SLC5A8: variants seen among roughly 807,000 people sequenced by gnomAD.
The protein encoded by SLC5A8 is sodium-coupled monocarboxylate transporter 1.
In SLC5A8, 55 loss-of-function variants were observed where a neutral mutation model predicts 71.9. That is an observed-to-expected ratio of 0.77 (90% CI 0.62 to 0.96). The LOEUF (loss-of-function observed/expected upper bound fraction) is 0.96. Among genes scored for constraint, SLC5A8 ranks in the 40% least tolerant of loss-of-function variants. The pLI is 0.00. For missense variants in SLC5A8, 701 were observed against 745.3 expected, an observed-to-expected ratio of 0.94 and a Z score of 0.69; for synonymous variants, 307 against 276.1, an observed-to-expected ratio of 1.11 and a Z score of -1.11.
intron 3 of SLC5A8, among the ~76,000 whole-genome samples, chr12:101,200,009 C>CAAAAAAAAAAA: frequency 2.1e-4 from 2 of 9,640 alleles, no homozygotes; most frequent in Non-Finnish European, 4.0e-4. Flanking sequence ...GTACTACCAG[C>CAAAAAAAAAAA]AAAAAAAAAA....
At chr12:101,162,099 G>A (rs753608281) in intron 12 of SLC5A8, 22 bp from the exon 13 acceptor site, 40 of 1,542,682 alleles carry the variant, frequency 2.6e-5, no homozygotes, top group African/African-American at 6.8e-5. Context: ...AAAACACAAC[G>A]GTAAGATTTC....
Position 101,164,680 on chromosome 12 carries a change from C to G in SLC5A8, c.1526+1814G>C, listed in dbSNP as rs76594341. ...TGTGTCCCTGTGCTCAATCCTGCTA[C>G]CTGACTAACTCCAGCCCATGCAATT... is the stretch of plus-strand genomic sequence containing the variant. On this transcript the variant is annotated intron_variant, in intron 12 of 14. Transcript: ENST00000536262. 6.0e-4 allele frequency among the ~76,000 whole-genome samples: 91 copies of G among 152,236 alleles called. 2 individuals carry two copies. In the East Asian group the frequency reaches 0.016, roughly 27 times the overall value.
At chr12:101,204,048 A>C (rs1297512031) in intron 2 of SLC5A8, among the ~76,000 whole-genome samples, 1 of 152,238 alleles carries the variant, frequency 6.6e-6, no homozygotes, top group Non-Finnish European at 1.5e-5. Flanking sequence ...ATTTCAAAGA[A>C]AATTATTTCC....
At chr12:101,176,219 A>C (rs781308558) in intron 10 of SLC5A8, among the ~76,000 whole-genome samples, 3 of 152,032 alleles carry the variant, frequency 2.0e-5, no homozygotes, top group Non-Finnish European at 4.4e-5. Context: ...AAATAAATAC[A>C]CCTCACAGCA....
intron 1 of SLC5A8, among the ~76,000 whole-genome samples, chr12:101,205,580 C>A (rs1466167858): frequency 2.6e-5 from 4 of 152,138 alleles, no homozygotes; most frequent in African/African-American, 9.7e-5. Context: ...GAAAAACTGG[C>A]ATTAGGTAAT....
rs935186346 is a variant in SLC5A8, at chr12:101,210,119, G to A, written c.-271C>T. 4.7e-6 allele frequency: 2 copies of A among 430,104 alleles called. No individual in the cohort carries two copies. Among genetic ancestry groups the A allele is most frequent in the African/African-American group, 4.1e-5 (2 of 48,194 alleles). The allele number at this position is 430,104 out of a possible 1,614,324, so 26.6% of individuals were successfully genotyped here. A position where few individuals can be genotyped will look rare whatever the true frequency, so the allele number is the denominator to read the frequency against. On this transcript the variant is annotated 5_prime_UTR_variant, in exon 1 of 15. In the 5' UTR this introduces an upstream ATG that the reference lacks. Coordinates refer to ENST00000536262, the MANE Select transcript of SLC5A8 (RefSeq NM_145913.5). ...ACCCGCTGCCCTGAGTGCTCACCAC[G>A]TGAGGAACTGGAGTGGCCGAGTTCG...
In SLC5A8 at chr12:101,202,169, T is replaced by G. The variant is rs146178249; in HGVS notation, c.464A>C (p.Asn155Thr). The G allele has an allele frequency of 1.2e-5, 20 of 1,610,524 alleles. No individual in the cohort carries two copies. The African/African-American group carries it at 2.6e-4, about 21-fold the overall frequency. Reference sequence around the variant, plus strand: ...CTGGCAACTCTAAAATGTACCTTGATTCAAAGCCAGGGCAGGGGCATAAAT... The same window carrying G: ...CTGGCAACTCTAAAATGTACCTTGAGTCAAAGCCAGGGCAGGGGCATAAAT... Reference protein sequence around the residue: ...IVIYAPALALNQVTGFDLWGA... With the variant: ...IVIYAPALALTQVTGFDLWGA... The change falls in exon 3 of 15, where the codon AAT becomes ACT. Residue 155 changes from asparagine (N) to threonine (T), a missense_variant. By Grantham distance (65) the Asn-to-Thr change is moderately conservative (BLOSUM62 0). Transcript: ENST00000536262.
chr12:101,156,015 TAA>T lies in SLC5A8; in HGVS notation c.*1262_*1263del, dbSNP rs2051657255. On this transcript the variant is annotated 3_prime_UTR_variant, in exon 15 of 15. Coordinates refer to ENST00000536262, the MANE Select transcript of SLC5A8 (RefSeq NM_145913.5). ...TCTAATGTGGGAACTGTACAAAAAA[TAA>T]GTTATTGATGAACTCCTATAACCAA... is the stretch of plus-strand genomic sequence containing the variant. The T allele has an allele frequency of 6.6e-6, 1 of 152,104 alleles. No individual in the cohort carries two copies. The highest frequency in any genetic ancestry group is 6.6e-5 in the Admixed American group (1 of 15,262). The allele number at this position is 152,104 out of a possible 1,614,324, so 9.4% of individuals were successfully genotyped here. A position where few individuals can be genotyped will look rare whatever the true frequency, so the allele number is the denominator to read the frequency against.
chr12:101,164,724 C>T (rs1443864094), intron 12 of SLC5A8, among the ~76,000 whole-genome samples: 1 of 152,190 alleles, frequency 6.6e-6, no homozygotes, highest in African/African-American at 2.4e-5. Context: ...AGAAGGTTTC[C>T]TTGACTCCAG....
rs1869827880 is a variant in SLC5A8 at position 101,209,557 on chromosome 12, T to C, written c.292A>G (p.Ile98Val). The C allele has an allele frequency of 6.2e-7, 1 of 1,613,946 alleles. No homozygotes were observed. Among genetic ancestry groups the C allele is most frequent in the Non-Finnish European group, 8.5e-7 (1 of 1,179,980 alleles). ...ACCGGGAGGAAGACCTCCGCGCTGA[T>C]GACCACCACAAAGAAGTAGGTGAAG... is the stretch of plus-strand genomic sequence containing the variant. The part of the protein sequence containing the change: ...FAFTYFFVVV[I>V]SAEVFLPVFY... The change falls in exon 1 of 15, where the codon ATC becomes GTC. Residue 98 changes from isoleucine to valine, a missense_variant. Transcript: ENST00000536262.
intron 10 of SLC5A8, among the ~76,000 whole-genome samples, chr12:101,178,338 A>T (rs1452348927): frequency 6.6e-6 from 1 of 152,178 alleles, no homozygotes; most frequent in Non-Finnish European, 1.5e-5. Flanking sequence ...GAACTAGAAT[A>T]GCTAAAACAA....
intron 4 of SLC5A8, among the ~76,000 whole-genome samples, 166 bp downstream of exon 4, chr12:101,194,929 C>A (rs1428015965): frequency 6.6e-6 from 1 of 152,102 alleles, no homozygotes; most frequent in South Asian, 2.1e-4. Flanking sequence ...TACAAAGGAT[C>A]AAATTATACT....
rs1336998331 is a variant in SLC5A8 at position 101,193,618 on chromosome 12, C to T, written c.692+7G>A. ...TGTGTTCAGTTACCCAAGTACTAGA[C>T]ACTTACTTCCAGAAATTTAATCTTC... On this transcript the variant is annotated splice_region_variant and intron_variant, in intron 5 of 14. Coordinates refer to ENST00000536262, the MANE Select transcript of SLC5A8 (RefSeq NM_145913.5). 1 of 1,612,358 alleles carries T rather than the reference C, an allele frequency of 6.2e-7. No homozygotes were observed. The highest frequency in any genetic ancestry group is 1.1e-5 in the South Asian group (1 of 90,588).
At chr12:101,167,228 A>C (rs2137126483) in intron 11 of SLC5A8, among the ~76,000 whole-genome samples, 1 of 152,344 alleles carries the variant, frequency 6.6e-6, no homozygotes. Flanking sequence ...AGGTGGACAC[A>C]AACAAATCTC....
At position 101,168,034 on chromosome 12, in the gene SLC5A8, G is replaced by C. The variant is rs2051789609; in HGVS notation, c.1320+62C>G. ...CTCAAAGGAACCAACTGAGAAAAAAGTGTAGAGCTGCTAGTATAGTTCAAA... is the reference window on the plus strand; with the variant it reads ...CTCAAAGGAACCAACTGAGAAAAAACTGTAGAGCTGCTAGTATAGTTCAAA... On this transcript the variant is annotated intron_variant, in intron 11 of 14. Transcript: ENST00000536262. 4.8e-6 allele frequency: 7 copies of C among 1,444,702 alleles called. No individual in the cohort carries two copies. The South Asian group carries it at 8.9e-5, about 18-fold the overall frequency. 89.5% of individuals were successfully genotyped at this position (1,444,702 alleles called of 1,614,324 possible).
intron 10 of SLC5A8, among the ~76,000 whole-genome samples, chr12:101,179,717 C>T (rs1054565289): frequency 6.6e-6 from 1 of 152,070 alleles, no homozygotes; most frequent in Non-Finnish European, 1.5e-5. Flanking sequence ...TGTATCTTGG[C>T]TATATCAATG....
In SLC5A8 at chr12:101,210,150, G is replaced by A; in HGVS notation, c.-302C>T. 1 of 380,248 alleles carries A rather than the reference G, an allele frequency of 2.6e-6. No individual in the cohort carries two copies. Among genetic ancestry groups the A allele is most frequent in the Admixed American group, 4.5e-5 (1 of 22,044 alleles). 23.6% of individuals were successfully genotyped at this position (380,248 alleles called of 1,614,324 possible). On this transcript the variant is annotated 5_prime_UTR_variant, in exon 1 of 15. Coordinates refer to ENST00000536262, the MANE Select transcript of SLC5A8 (RefSeq NM_145913.5). ...AACTGGAGTGGCCGAGTTCGCCAAGGCGCCGGGGACACCTGAGCAGATGAG... is the reference window on the plus strand; with the variant it reads ...AACTGGAGTGGCCGAGTTCGCCAAGACGCCGGGGACACCTGAGCAGATGAG...
intron 6 of SLC5A8, 115 bp from the exon 7 acceptor site, chr12:101,187,630 T>G: frequency 2.8e-6 from 3 of 1,087,886 alleles, no homozygotes; most frequent in Non-Finnish European, 3.8e-6. Flanking sequence ...AAATGTACAT[T>G]ATCTTTTGAT....
At chr12:101,183,789 G>A (rs1026715532) in intron 8 of SLC5A8, among the ~76,000 whole-genome samples, 1 of 152,058 alleles carries the variant, frequency 6.6e-6, no homozygotes, top group Non-Finnish European at 1.5e-5. Context: ...AGTTGACCAC[G>A]CTTCAGCCCC....
Sources: allele counts gnomAD v4.1 joint callset (sites outside exome capture counted in the v4.1 genomes callset), GRCh38; gene constraint gnomAD v4.1.1; transcripts MANE v1.5; gene names NCBI Gene and HGNC (gene_info 2026-07-23, HGNC 2026-07-21).